SMARCA2: variants seen among roughly 807,000 people sequenced by gnomAD.
SMARCA2 encodes SWI/SNF-related matrix-associated actin-dependent regulator of chromatin subfamily A member 2.
A neutral mutation model predicts 199.8 loss-of-function variants in SMARCA2; 61 were observed. That is an observed-to-expected ratio of 0.31 (90% CI 0.25 to 0.38). The LOEUF (loss-of-function observed/expected upper bound fraction) is 0.38, where lower values mean the gene tolerates loss of function less well. SMARCA2 is among the 10% of genes least tolerant of loss of function. SMARCA2 has a pLI of 1.00. For synonymous variants in SMARCA2, 935 were observed against 732.0 expected, an observed-to-expected ratio of 1.28 and a Z score of -4.48; for missense variants, 1,344 against 2,012.2, an observed-to-expected ratio of 0.67 and a Z score of 6.35.
chr9:2,190,652 G>C (rs767371935), intron 32 of SMARCA2, among the ~76,000 whole-genome samples: 72 of 151,766 alleles, frequency 4.7e-4, no homozygotes, highest in African/African-American at 1.0e-3. Context: ...CATACACACA[G>C]AGAGAGAGAA....
chr9:2,043,602 G>A (rs1819706394), intron 4 of SMARCA2: 1 of 152,110 alleles, frequency 6.6e-6, no homozygotes, highest in South Asian at 2.1e-4. Context: ...TATTGCGTTT[G>A]TTTTTTCCAA....
rs1027718508 is a variant in SMARCA2 at position 2,181,773 on chromosome 9, G to T, written c.4359+97G>T. The T allele has an allele frequency of 1.1e-5, 8 of 708,474 alleles. No homozygotes were observed. The African/African-American group carries it at 1.4e-4, about 13-fold the overall frequency. The allele number at this position is 708,474 out of a possible 1,614,324, so 43.9% of individuals were successfully genotyped here. A position where few individuals can be genotyped will look rare whatever the true frequency, so the allele number is the denominator to read the frequency against. On this transcript the variant is annotated intron_variant, in intron 30 of 33. Coordinates refer to ENST00000349721, the MANE Select transcript of SMARCA2 (RefSeq NM_003070.5). Reference sequence around the variant, plus strand: ...TAGTTGGAGCTGACCGCCACTGATGGGTACCCAGGGCTCGCGACAGGAAAG... The same window carrying T: ...TAGTTGGAGCTGACCGCCACTGATGTGTACCCAGGGCTCGCGACAGGAAAG...
In SMARCA2 at chr9:2,076,263, A is replaced by G. The variant is rs1211780843; in HGVS notation, c.1970A>G (p.Glu657Gly). The change falls in exon 13 of 34, where the codon GAA becomes GGA. Residue 657 changes from glutamate to glycine, a missense_variant. By Grantham distance (98) the Glu-to-Gly change is moderately conservative (BLOSUM62 -2). Transcript: ENST00000349721. Reference sequence around the variant, plus strand: ...GAAGAGTCCAGTAGGCAGGAAACCGAAGAGAAAATACTCCTGGATCCAAAT... The same window carrying G: ...GAAGAGTCCAGTAGGCAGGAAACCGGAGAGAAAATACTCCTGGATCCAAAT... ...EEEESSRQET[E>G]EKILLDPNSE... 6.2e-7 allele frequency: 1 copy of G among 1,612,470 alleles called. No individual in the cohort carries two copies. The highest frequency in any genetic ancestry group is 8.5e-7 in the Non-Finnish European group (1 of 1,178,624).
At chr9:2,055,744 A>G (rs1201544659) in intron 6 of SMARCA2, 3 of 152,220 alleles carry the variant, frequency 2.0e-5, no homozygotes. Flanking sequence ...TAAAAAGAAA[A>G]GGGAAAATTC....
intron 19 of SMARCA2, among the ~76,000 whole-genome samples, chr9:2,095,717 C>T (rs1586700084): frequency 6.6e-6 from 1 of 152,196 alleles, no homozygotes; most frequent in African/African-American, 2.4e-5. Flanking sequence ...TCTCTGTGAC[C>T]TCTTCTCCCT....
At chr9:2,022,302 G>T (rs565389298) in intron 1 of SMARCA2, among the ~76,000 whole-genome samples, 5 of 152,302 alleles carry the variant, frequency 3.3e-5, no homozygotes, top group African/African-American at 1.2e-4. Flanking sequence ...AGCTCACAAG[G>T]TGTCTTCATA....
chr9:2,052,462 C>T (rs1820164094), intron 5 of SMARCA2, among the ~76,000 whole-genome samples: 1 of 152,234 alleles, frequency 6.6e-6, no homozygotes, highest in Non-Finnish European at 1.5e-5. Context: ...GCCGACAGAG[C>T]GAGACTCCAT....
chr9:2,046,210 T>C (rs1819835738), intron 4 of SMARCA2, among the ~76,000 whole-genome samples: 1 of 152,216 alleles, frequency 6.6e-6, no homozygotes, highest in South Asian at 2.1e-4. Context: ...TCACTAAAAT[T>C]ATAATTTTAA....
intron 9 of SMARCA2, among the ~76,000 whole-genome samples, chr9:2,065,447 C>G (rs1202253288): frequency 6.6e-6 from 1 of 151,426 alleles, no homozygotes; most frequent in East Asian, 1.9e-4. Flanking sequence ...TATCCTGTCT[C>G]TCTCTCTCTC....
chr9:2,116,132 A>C (rs964400384), intron 25 of SMARCA2, 83 bp downstream of exon 25: 139 of 1,023,970 alleles, frequency 1.4e-4, no homozygotes, highest in Middle Eastern at 4.1e-4. Flanking sequence ...TTTGTTTAAA[A>C]AACTTCCTGG....
At chr9:2,100,843 C>G (rs1349293803) in intron 21 of SMARCA2, among the ~76,000 whole-genome samples, 2 of 152,048 alleles carry the variant, frequency 1.3e-5, no homozygotes, top group Non-Finnish European at 2.9e-5. Context: ...ATACCTGAGA[C>G]TGGGTAATTT....
At chr9:2,090,995 A>G (rs1007445140) in intron 19 of SMARCA2, among the ~76,000 whole-genome samples, 1 of 152,188 alleles carries the variant, frequency 6.6e-6, no homozygotes, top group African/African-American at 2.4e-5. Context: ...CCAGAAAGGA[A>G]CTACGGCAGA....
chr9:2,093,654 G>C (rs938312946), intron 19 of SMARCA2, among the ~76,000 whole-genome samples: 4 of 152,194 alleles, frequency 2.6e-5, no homozygotes, highest in African/African-American at 9.7e-5. Flanking sequence ...TTCTGCAAAG[G>C]AGTGCAGGTT....
rs1438301093 is a variant in SMARCA2 at position 2,191,555 on chromosome 9, G to A, written c.4737+147G>A. 4 of 852,532 alleles carry A rather than the reference G, an allele frequency of 4.7e-6. No individual in the cohort carries two copies. In the East Asian group the frequency reaches 7.4e-5, roughly 16 times the overall value. 52.8% of individuals were successfully genotyped at this position (852,532 alleles called of 1,614,324 possible). ...TAGTGAGATTTCATTATTGAGGGAT[G>A]TGAACGGAGCTGTATGATTTAGAAC... On this transcript the variant is annotated intron_variant, in intron 33 of 33. Coordinates refer to ENST00000349721, the MANE Select transcript of SMARCA2 (RefSeq NM_003070.5).
At chr9:2,023,955 T>TA (rs377613014) in intron 1 of SMARCA2, among the ~76,000 whole-genome samples, 2 of 152,292 alleles carry the variant, frequency 1.3e-5, no homozygotes, top group South Asian at 2.1e-4. Context: ...AACACTTTAA[T>TA]AAGACTGGGA....
intron 27 of SMARCA2, chr9:2,159,804 T>C: frequency 6.2e-7 from 1 of 1,607,930 alleles, no homozygotes; most frequent in East Asian, 2.2e-5. Context: ...CTCTTTTTTT[T>C]CCTGATCAGC....
At chr9:2,172,787 T>C (rs559997655) in intron 29 of SMARCA2, among the ~76,000 whole-genome samples, 22 of 152,104 alleles carry the variant, frequency 1.4e-4, no homozygotes, top group African/African-American at 4.8e-4. Context: ...ATGTCTGTCA[T>C]GTGGGAGAGG....
At chr9:2,057,301 C>T (rs970768671) in intron 7 of SMARCA2, among the ~76,000 whole-genome samples, 3 of 152,192 alleles carry the variant, frequency 2.0e-5, no homozygotes, top group South Asian at 2.1e-4. Context: ...GAAAGCTCTC[C>T]GGGCTTCCTT....
At chr9:2,158,881 C>T (rs1301285751) in intron 27 of SMARCA2, 56 of 1,523,354 alleles carry the variant, frequency 3.7e-5, no homozygotes, top group Non-Finnish European at 5.0e-5. Flanking sequence ...GAACATAAAG[C>T]ACTGCATATG....
Sources: allele counts gnomAD v4.1 joint callset (sites outside exome capture counted in the v4.1 genomes callset), GRCh38; gene constraint gnomAD v4.1.1; transcripts MANE v1.5; gene names NCBI Gene and HGNC (gene_info 2026-07-23, HGNC 2026-07-21).